MTUS2: variants seen among roughly 807,000 people sequenced by gnomAD.
The protein encoded by MTUS2 is microtubule associated scaffold protein 2, also known as microtubule-associated tumor suppressor candidate 2.
MTUS2 carries 40 observed loss-of-function variants against 114.1 expected under a neutral mutation model. That is an observed-to-expected ratio of 0.35 (90% confidence interval 0.27 to 0.46). The LOEUF is 0.46. Ranked by LOEUF, MTUS2 falls within the 20% of genes least tolerant of loss-of-function variation. The pLI is 1.00. For synonymous variants in MTUS2, 688 were observed against 672.0 expected (o/e 1.02, Z -0.37); for missense variants, 1,679 against 1,705.4 (o/e 0.98, Z 0.27).
At chr13:29,328,399 G>A (rs1371903864) in intron 7 of MTUS2, among the ~76,000 whole-genome samples, 1 of 152,208 alleles carries the variant, frequency 6.6e-6, no homozygotes, top group African/African-American at 2.4e-5. Context: ...ATCAATATGA[G>A]GAAGGCATAC....
At chr13:29,064,390 GTTTTTTTTTTTTT>G (rs59916653) in intron 4 of MTUS2, among the ~76,000 whole-genome samples, 2 of 108,010 alleles carry the variant, frequency 1.9e-5, no homozygotes, top group Non-Finnish European at 3.6e-5. Context: ...ACGTTTGGAG[GTTTTTTTTTTTTT>G]TTTTTTTTTT....
At chr13:29,070,098 A>T (rs1184226976) in intron 4 of MTUS2, among the ~76,000 whole-genome samples, 2 of 152,166 alleles carry the variant, frequency 1.3e-5, no homozygotes, top group African/African-American at 2.4e-5. Flanking sequence ...GAGAGAGGGG[A>T]TGGAATCATG....
chr13:28,956,018 T>C (rs1336781479), intron 2 of MTUS2, among the ~76,000 whole-genome samples: 1 of 151,484 alleles, frequency 6.6e-6, no homozygotes. Flanking sequence ...ACCCCAGCAG[T>C]ATCCACAGCA....
At chr13:28,903,232 A>C (rs189991004) in intron 2 of MTUS2, among the ~76,000 whole-genome samples, 45 of 151,864 alleles carry the variant, frequency 3.0e-4, no homozygotes, top group Non-Finnish European at 5.9e-4. Context: ...AATAATTTGC[A>C]GTTGACAGTT....
chr13:29,266,585 T>C (rs185709672), intron 5 of MTUS2, among the ~76,000 whole-genome samples: 3 of 152,312 alleles, frequency 2.0e-5, no homozygotes, highest in Admixed American at 1.3e-4. Flanking sequence ...GCATATTGTT[T>C]TCAAAAATTT....
At chr13:29,257,790 A>G (rs1897329023) in intron 5 of MTUS2, among the ~76,000 whole-genome samples, 1 of 152,162 alleles carries the variant, frequency 6.6e-6, no homozygotes, top group South Asian at 2.1e-4. Flanking sequence ...AGATGAGGAG[A>G]AAACTTAGAT....
intron 2 of MTUS2, among the ~76,000 whole-genome samples, chr13:28,924,670 C>G (rs1881231904): frequency 6.6e-6 from 1 of 152,196 alleles, no homozygotes; most frequent in Non-Finnish European, 1.5e-5. Flanking sequence ...TGACTGTGGT[C>G]AGCGCTTGTC....
chr13:28,860,001 GA>G (rs1328576882), intron 2 of MTUS2, among the ~76,000 whole-genome samples: 1 of 152,134 alleles, frequency 6.6e-6, no homozygotes, highest in Non-Finnish European at 1.5e-5. Flanking sequence ...TGAAAGGAGG[GA>G]TTGATTTATA....
At chr13:29,407,825 G>A (rs928312567) in intron 8 of MTUS2, among the ~76,000 whole-genome samples, 12 of 152,034 alleles carry the variant, frequency 7.9e-5, no homozygotes, top group South Asian at 4.1e-4. Flanking sequence ...TGAATGTACC[G>A]TTTACTCCAC....
chr13:28,898,294 C>A (rs1270694984), intron 2 of MTUS2, among the ~76,000 whole-genome samples: 1 of 152,160 alleles, frequency 6.6e-6, no homozygotes, highest in Admixed American at 6.5e-5. Context: ...GCCAAATTGG[C>A]TAGGTTCTGA....
In MTUS2 at chr13:29,392,688, C is replaced by T. The variant is rs141013874; in HGVS notation, c.3117+33215C>T. Reference sequence around the variant, plus strand: ...CTGATAAGTGGACATAGGGAGGTCCCTAGAGTAGTCAGATTTATAGAGAGA... The same window carrying T: ...CTGATAAGTGGACATAGGGAGGTCCTTAGAGTAGTCAGATTTATAGAGAGA... On this transcript the variant is annotated intron_variant, in intron 8 of 15. Transcript: ENST00000612955. Among the ~76,000 whole-genome samples, 1,140 of 152,162 alleles carry T rather than the reference C, an allele frequency of 7.5e-3. 6 individuals are homozygous for T. The highest frequency in any genetic ancestry group is 0.012 in the Non-Finnish European group (822 of 68,000).
intron 2 of MTUS2, among the ~76,000 whole-genome samples, chr13:28,961,390 T>C (rs1181554159): frequency 6.6e-6 from 1 of 152,126 alleles, no homozygotes; most frequent in Non-Finnish European, 1.5e-5. Flanking sequence ...ATCATAGAAA[T>C]GACACCTTAT....
chr13:29,307,528 A>C, intron 6 of MTUS2: 2 of 1,262,552 alleles, frequency 1.6e-6, no homozygotes, highest in South Asian at 2.4e-5. Context: ...CTGTCTTGAA[A>C]AACCTGCCAA....
intron 2 of MTUS2, among the ~76,000 whole-genome samples, chr13:28,930,903 C>T (rs1271122430): frequency 6.6e-6 from 1 of 152,152 alleles, no homozygotes; most frequent in African/African-American, 2.4e-5. Context: ...TGCAATAACT[C>T]CTACTAGTGG....
At chr13:29,016,880 A>G (rs1236512982) in intron 2 of MTUS2, among the ~76,000 whole-genome samples, 1 of 152,216 alleles carries the variant, frequency 6.6e-6, no homozygotes, top group Admixed American at 6.5e-5. Context: ...CTCCCAAAGA[A>G]TAATTCAGTT....
Position 29,025,315 on chromosome 13 carries a change from G to T in MTUS2, c.617G>T (p.Arg206Leu). 6.2e-7 allele frequency: 1 copy of T among 1,613,940 alleles called. No homozygotes were observed. The highest frequency in any genetic ancestry group is 2.2e-5 in the East Asian group (1 of 44,874). ...QPLSLDSREARGQIPGGGEGP... is the reference protein window; with the variant it reads ...QPLSLDSREALGQIPGGGEGP... Reference sequence around the variant, plus strand: ...CTATCCCTCGACTCCCGGGAAGCACGGGGTCAGATACCTGGGGGTGGGGAG... The same window carrying T: ...CTATCCCTCGACTCCCGGGAAGCACTGGGTCAGATACCTGGGGGTGGGGAG... Residue 206 changes from arginine to leucine, a missense_variant, in exon 3 of 16, where the codon CGG (arginine) becomes CTG (leucine). Physicochemically the swap from Arg to Leu is moderately radical, Grantham distance 102 (BLOSUM62 -2). Coordinates refer to ENST00000612955, the MANE Select transcript of MTUS2 (RefSeq NM_001033602.4).
intron 4 of MTUS2, among the ~76,000 whole-genome samples, chr13:29,039,901 C>G (rs1440494478): frequency 2.0e-5 from 3 of 152,198 alleles, no homozygotes; most frequent in African/African-American, 2.4e-5. Flanking sequence ...TCCAGCCTTC[C>G]TACATCCATG....
chr13:29,448,955 T>C lies in MTUS2; in HGVS notation c.3184+8906T>C, dbSNP rs190871946. On this transcript the variant is annotated intron_variant, in intron 9 of 15. Coordinates refer to ENST00000612955, the MANE Select transcript of MTUS2 (RefSeq NM_001033602.4). The stretch of plus-strand genomic sequence containing the variant: ...TTTTAGTAGAGTTGGGGTTTCGCCA[T>C]GTTTGCCAGGCTGGTCTTGAACTCC... 2.5e-3 allele frequency among the ~76,000 whole-genome samples: 375 copies of C among 152,118 alleles called. 6 individuals carry two copies. Among genetic ancestry groups the C allele is most frequent in the African/African-American group, 8.6e-3 (359 of 41,506 alleles).
chr13:29,301,936 C>G (rs890057152), intron 6 of MTUS2, among the ~76,000 whole-genome samples: 1 of 152,162 alleles, frequency 6.6e-6, no homozygotes, highest in African/African-American at 2.4e-5. Context: ...GTAGAAGGTG[C>G]AAATGAGCTT....
Sources: gnomAD v4.1 joint callset for allele counts (sites outside exome capture counted in the v4.1 genomes callset) on GRCh38, gnomAD v4.1.1 for gene constraint, MANE v1.5 for transcripts, NCBI Gene and HGNC (gene_info 2026-07-23, HGNC 2026-07-21) for gene names.